DNAH10: variants seen among roughly 807,000 people sequenced by gnomAD.
DNAH10 encodes dynein axonemal heavy chain 10.
DNAH10 carries 348 observed loss-of-function variants against 506.6 expected under a neutral mutation model. The ratio of observed to expected loss-of-function variants is 0.69; its 90% confidence interval spans 0.63 to 0.75. DNAH10 has a LOEUF of 0.75. Among genes scored for constraint, DNAH10 ranks in the 30% least tolerant of loss-of-function variants. DNAH10 has a pLI of 0.00. For missense variants in DNAH10, 5,179 were observed against 5,787.1 expected (o/e 0.89, Z 3.41); for synonymous variants, 2,059 against 2,198.6 (o/e 0.94, Z 1.78).
At chr12:123,865,654 A>G (rs563230462) in intron 40 of DNAH10, among the ~76,000 whole-genome samples, 1 of 152,152 alleles carries the variant, frequency 6.6e-6, no homozygotes, top group Non-Finnish European at 1.5e-5. Flanking sequence ...GGGTGGTGGG[A>G]TTTGGATAAC....
rs969102064 is a variant in DNAH10 at position 123,846,816 on chromosome 12, C to T, written c.5814+662C>T. On this transcript the variant is annotated intron_variant, in intron 32 of 78. Coordinates refer to ENST00000673944, the MANE Select transcript of DNAH10 (RefSeq NM_001372106.1). This position sits in a 1 kb window ranked among gnomAD's most constrained non-coding sequence, Gnocchi z 4.5. ...CTACATTGGTGGTCTCTTAGGCTCACAGTTTCTCAGCTGTGACTCATACCC... is the reference window on the plus strand; with the variant it reads ...CTACATTGGTGGTCTCTTAGGCTCATAGTTTCTCAGCTGTGACTCATACCC... 1.3e-5 allele frequency among the ~76,000 whole-genome samples: 2 copies of T among 152,080 alleles called. No homozygotes were observed. Among genetic ancestry groups the T allele is most frequent in the Non-Finnish European group, 2.9e-5 (2 of 68,014 alleles).
chr12:123,888,634 C>T (rs1237853799), intron 52 of DNAH10, among the ~76,000 whole-genome samples: 2 of 152,206 alleles, frequency 1.3e-5, no homozygotes, highest in African/African-American at 2.4e-5. Context: ...GATTTCAGGC[C>T]TCCAGAACTG....
At chr12:123,813,733 T>C (rs1959035509) in intron 20 of DNAH10, 21 bp from the exon 21 acceptor site, 1 of 1,613,148 alleles carries the variant, frequency 6.2e-7, no homozygotes. Flanking sequence ...TGCTTAGTGT[T>C]CTTTGTACTT....
chr12:123,877,635 G>A, intron 47 of DNAH10, 101 bp from the exon 48 acceptor site: 3 of 1,430,894 alleles, frequency 2.1e-6, no homozygotes, highest in Non-Finnish European at 2.8e-6. Flanking sequence ...CCTTTCTATA[G>A]CTTAGTAATA....
chr12:123,816,246 G>A (rs143818898), intron 21 of DNAH10, among the ~76,000 whole-genome samples: 3 of 152,294 alleles, frequency 2.0e-5, no homozygotes, highest in East Asian at 3.9e-4. Flanking sequence ...GGAGCCCTAG[G>A]CAGCTTCAGC....
At position 123,846,702 on chromosome 12, in the gene DNAH10, C is replaced by T. The variant is rs776066512; in HGVS notation, c.5814+548C>T. ...AGAGATGAGGTCTTGATATGTTGCCCAGGCTTGCCTTGAACTCCTGGCCTC... is the reference window on the plus strand; with the variant it reads ...AGAGATGAGGTCTTGATATGTTGCCTAGGCTTGCCTTGAACTCCTGGCCTC... On this transcript the variant is annotated intron_variant, in intron 32 of 78. Coordinates refer to ENST00000673944, the MANE Select transcript of DNAH10 (RefSeq NM_001372106.1). The surrounding 1 kb of genome is among the most constrained non-coding windows in gnomAD (Gnocchi z 4.5). Among the ~76,000 whole-genome samples the T allele has an allele frequency of 1.3e-5, 2 of 152,032 alleles. No individual in the cohort carries two copies. The highest frequency in any genetic ancestry group is 2.9e-5 in the Non-Finnish European group (2 of 68,010).
intron 57 of DNAH10, among the ~76,000 whole-genome samples, chr12:123,908,067 G>C (rs1953869644): frequency 7.6e-6 from 1 of 130,740 alleles, no homozygotes; most frequent in Non-Finnish European, 1.6e-5. Flanking sequence ...TGCTCAGGCT[G>C]TCTCCTCCCT....
At chr12:123,774,122 T>C in intron 4 of DNAH10, 27 bp from the exon 5 acceptor site, 1 of 1,504,842 alleles carries the variant, frequency 6.6e-7, no homozygotes, top group Non-Finnish European at 9.1e-7. Context: ...CCCACTGACC[T>C]TACATTCTAC....
chr12:123,808,983 C>T (rs768038189), intron 19 of DNAH10, 30 bp downstream of exon 19: 1 of 1,612,162 alleles, frequency 6.2e-7, no homozygotes, highest in Admixed American at 1.7e-5. Context: ...TGTCCTTGCT[C>T]AGACGGCATC....
At chr12:123,915,220 C>T (rs529794769) in intron 62 of DNAH10, among the ~76,000 whole-genome samples, 3 of 150,820 alleles carry the variant, frequency 2.0e-5, no homozygotes, top group South Asian at 2.1e-4. Context: ...CCTCTCCCCT[C>T]GCAGGCTGTG....
intron 11 of DNAH10, among the ~76,000 whole-genome samples, chr12:123,793,590 G>A (rs1244564049): frequency 1.3e-5 from 2 of 151,996 alleles, no homozygotes; most frequent in African/African-American, 4.8e-5. Context: ...TGCCCGTCTC[G>A]GCCTCCCAAA....
chr12:123,876,026 T>C (rs1259973684), intron 47 of DNAH10, among the ~76,000 whole-genome samples: 1 of 152,244 alleles, frequency 6.6e-6, no homozygotes, highest in Non-Finnish European at 1.5e-5. Context: ...GTTATTATTA[T>C]GATTTACTTG....
In DNAH10 at chr12:123,929,648, GT is replaced by G; in HGVS notation, c.12517-14del. On this transcript the variant is annotated splice_polypyrimidine_tract_variant and intron_variant, in intron 71 of 78. Transcript: ENST00000673944. ...GGTGGGTTTCAGTATAACTGAGCGT[GT>G]TCTCTTCTTTCAAGGTCTGCATGGA... 1 of 1,609,614 alleles carries G rather than the reference GT, an allele frequency of 6.2e-7. No homozygotes were observed. The highest frequency in any genetic ancestry group is 1.1e-5 in the South Asian group (1 of 90,064).
intron 19 of DNAH10, 135 bp downstream of exon 19, chr12:123,809,088 C>T: frequency 1.9e-6 from 2 of 1,078,842 alleles, no homozygotes; most frequent in Non-Finnish European, 1.3e-6. Context: ...ACTCAGTCAT[C>T]CCCCAGTTTT....
chr12:123,900,051 G>GAAGT (rs1953449619), intron 56 of DNAH10, among the ~76,000 whole-genome samples: 1 of 152,140 alleles, frequency 6.6e-6, no homozygotes, highest in Non-Finnish European at 1.5e-5. Flanking sequence ...CCTGCTCACA[G>GAAGT]CATCACTTCT....
Position 123,893,375 on chromosome 12 carries a change from C to T in DNAH10, c.9138C>T (p.His3046=). Residue 3046 remains histidine (H), a synonymous_variant, in exon 53 of 79, where the codon CAC becomes CAT. Transcript: ENST00000673944. The stretch of plus-strand genomic sequence containing the variant: ...TGAACAAAAGTGCAAATAACCTGCA[C>T]ATTGTCCTGGGCATGTCGCCAGTGG... ...YFVNKSANNL[H]IVLGMSPVGD... is the part of the protein sequence containing the mutation. The T allele has an allele frequency of 6.2e-7, 1 of 1,613,850 alleles. No homozygotes were observed. The highest frequency in any genetic ancestry group is 1.1e-5 in the South Asian group (1 of 91,074).
At chr12:123,843,933 A>G (rs1336220641) in intron 30 of DNAH10, among the ~76,000 whole-genome samples, 2 of 152,242 alleles carry the variant, frequency 1.3e-5, no homozygotes, top group African/African-American at 4.8e-5. Context: ...GATAATGACT[A>G]TAGTAATCCG....
At chr12:123,827,015 C>A in intron 25 of DNAH10, 117 bp downstream of exon 25, 1 of 908,700 alleles carries the variant, frequency 1.1e-6, no homozygotes, top group Non-Finnish European at 1.6e-6. Flanking sequence ...TCAACAATGC[C>A]GCAGGGCTAT....
intron 26 of DNAH10, among the ~76,000 whole-genome samples, chr12:123,832,427 G>A (rs1960666200): frequency 6.6e-6 from 1 of 151,774 alleles, no homozygotes. Context: ...TACACACAGT[G>A]TACACAATAT....
Sources: allele counts gnomAD v4.1 joint callset (sites outside exome capture counted in the v4.1 genomes callset), GRCh38; gene constraint gnomAD v4.1.1; non-coding constraint Gnocchi (gnomAD v3.1); transcripts MANE v1.5; gene names NCBI Gene and HGNC (gene_info 2026-07-23, HGNC 2026-07-21).